The following LRRTM4 variants were observed in gnomAD, a reference collection of about 807,000 sequenced individuals.
LRRTM4 encodes leucine-rich repeat transmembrane neuronal protein 4.
A neutral mutation model predicts 47.6 loss-of-function variants in LRRTM4; 25 were observed. The observed-to-expected ratio is 0.53, with a 90% confidence interval of 0.38 to 0.73. The LOEUF is 0.73. Ranked by LOEUF, LRRTM4 falls within the 30% of genes least tolerant of loss-of-function variation. The pLI is 0.00. For missense variants in LRRTM4, 638 were observed against 713.4 expected (o/e 0.89, Z 1.20); for synonymous variants, 311 against 269.5 (o/e 1.15, Z -1.51).
At chr2:76,970,706 C>T (rs1380462227) in intron 3 of LRRTM4, among the ~76,000 whole-genome samples, 1 of 152,034 alleles carries the variant, frequency 6.6e-6, no homozygotes, top group Non-Finnish European at 1.5e-5. Flanking sequence ...AGCTGAACCT[C>T]ACAACCTAGA....
rs146766579 is a variant in LRRTM4, at chr2:77,349,678, C to T, written c.1551+168640G>A. On this transcript the variant is annotated intron_variant, in intron 3 of 3. Coordinates refer to ENST00000409884, the MANE Select transcript of LRRTM4 (RefSeq NM_001134745.3). ...ATATGTTTTATCAGACATTAGAAAA[C>T]ACATAAATTTACTGTAGTCAAATCC... Among the ~76,000 whole-genome samples, 1,063 of 151,956 alleles carry T rather than the reference C, an allele frequency of 7.0e-3. 12 individuals carry two copies. Among genetic ancestry groups the T allele is most frequent in the African/African-American group, 0.024 (994 of 41,494 alleles).
intron 3 of LRRTM4, among the ~76,000 whole-genome samples, chr2:77,229,341 T>C (rs1449242165): frequency 1.3e-5 from 2 of 152,096 alleles, no homozygotes; most frequent in Non-Finnish European, 2.9e-5. Flanking sequence ...CTCTAAATCA[T>C]ATATTCCTTT....
At chr2:77,324,960 A>G (rs1406295004) in intron 3 of LRRTM4, among the ~76,000 whole-genome samples, 1 of 152,198 alleles carries the variant, frequency 6.6e-6, no homozygotes, top group Non-Finnish European at 1.5e-5. Context: ...ATTTGAATTA[A>G]TGAAATTTGG....
intron 3 of LRRTM4, among the ~76,000 whole-genome samples, chr2:77,145,730 T>C (rs1268144832): frequency 1.3e-5 from 2 of 151,506 alleles, no homozygotes; most frequent in Admixed American, 1.3e-4. Flanking sequence ...GCAGAGATCA[T>C]GCCACTACAC....
intron 3 of LRRTM4, among the ~76,000 whole-genome samples, chr2:76,863,463 T>C (rs1361136576): frequency 6.6e-6 from 1 of 152,170 alleles, no homozygotes; most frequent in Non-Finnish European, 1.5e-5. Flanking sequence ...CTGGTGTATA[T>C]GTGTGTTTCC....
chr2:76,879,281 GC>G (rs1672861889), intron 3 of LRRTM4, among the ~76,000 whole-genome samples: 3 of 152,148 alleles, frequency 2.0e-5, no homozygotes, highest in African/African-American at 7.2e-5. Context: ...TGGCTTCAAA[GC>G]TTCGCCGGAA....
chr2:77,122,874 A>G (rs1356831503), intron 3 of LRRTM4, among the ~76,000 whole-genome samples: 1 of 151,870 alleles, frequency 6.6e-6, no homozygotes, highest in Non-Finnish European at 1.5e-5. Flanking sequence ...GTGTTATTTT[A>G]TCTCTGCAAG....
At position 76,917,917 on chromosome 2, in the gene LRRTM4, G is replaced by T. The variant is rs1051097449; in HGVS notation, c.1552-169001C>A. ...TTTCCTATCCCTCTCTTTTTATAGTGGTATGGGTATGCTAGGAAGAGAAAC... is the reference window on the plus strand; with the variant it reads ...TTTCCTATCCCTCTCTTTTTATAGTTGTATGGGTATGCTAGGAAGAGAAAC... On this transcript the variant is annotated intron_variant, in intron 3 of 3. Coordinates refer to ENST00000409884, the MANE Select transcript of LRRTM4 (RefSeq NM_001134745.3). Among the ~76,000 whole-genome samples the T allele has an allele frequency of 2.6e-5, 4 of 152,112 alleles. No homozygotes were observed. In the East Asian group the frequency reaches 7.8e-4, roughly 30 times the overall value.
chr2:76,962,906 G>A (rs1363979826), intron 3 of LRRTM4, among the ~76,000 whole-genome samples: 1 of 150,380 alleles, frequency 6.6e-6, no homozygotes, highest in African/African-American at 2.4e-5. Flanking sequence ...GCCAAAAGTT[G>A]ATTTAGAAAA....
intron 3 of LRRTM4, among the ~76,000 whole-genome samples, chr2:77,440,192 A>T (rs1425658461): frequency 6.6e-6 from 1 of 152,212 alleles, no homozygotes; most frequent in Non-Finnish European, 1.5e-5. Flanking sequence ...AGGCGGGCAG[A>T]TCACGAGGTC....
At chr2:77,510,192 A>G (rs1678929408) in intron 3 of LRRTM4, among the ~76,000 whole-genome samples, 2 of 152,126 alleles carry the variant, frequency 1.3e-5, no homozygotes, top group Admixed American at 1.3e-4. Context: ...GAAACAAACA[A>G]TATTTTTAAG....
intron 3 of LRRTM4, among the ~76,000 whole-genome samples, chr2:77,029,031 T>TCA (rs201640727): frequency 3.3e-3 from 323 of 98,470 alleles, no homozygotes; most frequent in Middle Eastern, 0.018. Flanking sequence ...CGAGAGTCCA[T>TCA]CACACACACA....
intron 3 of LRRTM4, among the ~76,000 whole-genome samples, chr2:77,035,966 A>G (rs556980844): frequency 6.6e-6 from 1 of 151,842 alleles, no homozygotes; most frequent in African/African-American, 2.4e-5. Context: ...ACCTCTCTAG[A>G]GTGTTACAGT....
intron 3 of LRRTM4, among the ~76,000 whole-genome samples, chr2:77,403,650 G>T (rs765758977): frequency 1.3e-5 from 2 of 151,728 alleles, no homozygotes; most frequent in Non-Finnish European, 2.9e-5. Context: ...GATGTGGCAG[G>T]TCTTAGCTAA....
At chr2:77,160,371 A>C (rs146013457) in intron 3 of LRRTM4, among the ~76,000 whole-genome samples, 12 of 152,284 alleles carry the variant, frequency 7.9e-5, no homozygotes, top group African/African-American at 2.9e-4. Context: ...GTAGTGAGCC[A>C]TAAAGGTCCT....
chr2:77,237,921 A>C (rs544394461), intron 3 of LRRTM4, among the ~76,000 whole-genome samples: 42 of 152,234 alleles, frequency 2.8e-4, no homozygotes, highest in African/African-American at 9.6e-4. Context: ...CTGGTTCTGG[A>C]TCCAGGTTCT....
intron 3 of LRRTM4, among the ~76,000 whole-genome samples, chr2:77,344,556 G>C (rs1175607546): frequency 1.3e-5 from 2 of 151,596 alleles, no homozygotes; most frequent in Non-Finnish European, 3.0e-5. Context: ...CGAACCTTTA[G>C]GTCAATACCA....
Position 77,519,500 on chromosome 2 carries a change from A to G in LRRTM4, c.369T>C (p.Tyr123=), listed in dbSNP as rs1233777057. Residue 123 remains tyrosine (Y), a synonymous_variant, in exon 3 of 4, where the codon TAT becomes TAC. Transcript: ENST00000409884. This position sits in a 1 kb window ranked among gnomAD's most constrained non-coding sequence, Gnocchi z 4.6. ...ELILSSNKIT[Y]LHNKTFHPVP... ...CTGGGTGAAATGTTTTATTGTGCAG[A>G]TAAGTAATTTTGTTGGAGCTTAGAA... The G allele has an allele frequency of 1.9e-6, 3 of 1,613,454 alleles. No individual in the cohort carries two copies. Among genetic ancestry groups the G allele is most frequent in the Admixed American group, 1.7e-5 (1 of 59,882 alleles).
intron 3 of LRRTM4, among the ~76,000 whole-genome samples, chr2:76,953,486 ACATT>A (rs1675564851): frequency 6.6e-6 from 1 of 151,934 alleles, no homozygotes; most frequent in South Asian, 2.1e-4. Context: ...GCACACACAC[ACATT>A]ACGTTCTCTT....
Sources: gnomAD v4.1 joint callset for allele counts (sites outside exome capture counted in the v4.1 genomes callset) on GRCh38, gnomAD v4.1.1 for gene constraint, Gnocchi (gnomAD v3.1) non-coding constraint, MANE v1.5 for transcripts, NCBI Gene and HGNC (gene_info 2026-07-23, HGNC 2026-07-21) for gene names.